TMPO: variants seen among roughly 807,000 people sequenced by gnomAD.
TMPO encodes thymopoietin.
A neutral mutation model predicts 45.4 loss-of-function variants in TMPO; 22 were observed. That is an observed-to-expected ratio of 0.48 (90% CI 0.35 to 0.69). The LOEUF is 0.69. TMPO is among the 30% of genes least tolerant of loss of function. TMPO has a pLI of 0.01. For missense variants in TMPO, 512 were observed against 548.8 expected (o/e 0.93, Z 0.67); for synonymous variants, 241 against 204.1 (o/e 1.18, Z -1.54).
At chr12:98,517,142 G>A (rs1875917455) in intron 1 of TMPO, among the ~76,000 whole-genome samples, 1 of 152,210 alleles carries the variant, frequency 6.6e-6, no homozygotes, top group Non-Finnish European at 1.5e-5. Flanking sequence ...TTGCAGTTTG[G>A]ATTGCGTTTT....
At chr12:98,533,541 AG>A in intron 3 of TMPO, 1 of 1,614,184 alleles carries the variant, frequency 6.2e-7, no homozygotes, top group Non-Finnish European at 8.5e-7. Context: ...CTCCAAGAAA[AG>A]TCCCTAGACT....
intron 1 of TMPO, among the ~76,000 whole-genome samples, chr12:98,524,593 A>G (rs1017239831): frequency 6.6e-6 from 1 of 151,878 alleles, no homozygotes; most frequent in Non-Finnish European, 1.5e-5. Context: ...AAAAAAAAAA[A>G]AGAGTTAAGA....
intron 1 of TMPO, among the ~76,000 whole-genome samples, chr12:98,519,783 T>TA (rs1309090209): frequency 6.6e-6 from 1 of 152,188 alleles, no homozygotes; most frequent in African/African-American, 2.4e-5. Context: ...TCGATGTTTT[T>TA]ATCAGCCATA....
At chr12:98,525,920 T>G (rs894035309) in intron 1 of TMPO, among the ~76,000 whole-genome samples, 5 of 152,204 alleles carry the variant, frequency 3.3e-5, no homozygotes, top group African/African-American at 1.2e-4. Flanking sequence ...AAATTTACTT[T>G]GATGTTGCCA....
At chr12:98,523,057 A>G (rs1025224026) in intron 1 of TMPO, among the ~76,000 whole-genome samples, 5 of 152,172 alleles carry the variant, frequency 3.3e-5, no homozygotes, top group Admixed American at 6.5e-5. Flanking sequence ...AGTAGGTACT[A>G]TTTTTGAGTG....
At chr12:98,534,828 C>A in intron 3 of TMPO, 2 of 1,002,696 alleles carry the variant, frequency 2.0e-6, no homozygotes, top group Non-Finnish European at 2.4e-6. Context: ...TATTTTCTTA[C>A]TTTTCTTTGT....
chr12:98,527,616 C>G (rs1876877173), intron 1 of TMPO: 2 of 265,068 alleles, frequency 7.5e-6, no homozygotes, highest in African/African-American at 2.3e-5. Context: ...GATGCCATTA[C>G]TATCTCTTTT....
At chr12:98,533,647 GTT>G (rs1264459958) in intron 3 of TMPO, 1 of 1,614,164 alleles carries the variant, frequency 6.2e-7, no homozygotes. Flanking sequence ...TGCCAAAACT[GTT>G]GTCTCTCATT....
chr12:98,541,988 G>A (rs569600101), intron 4 of TMPO, among the ~76,000 whole-genome samples: 9 of 152,224 alleles, frequency 5.9e-5, no homozygotes, highest in Admixed American at 2.6e-4. Flanking sequence ...TGCATTTTAT[G>A]TGTTGCATTT....
chr12:98,516,237 C>G (rs2121096709), intron 1 of TMPO, 91 bp downstream of exon 1: 1 of 1,304,622 alleles, frequency 7.7e-7, no homozygotes, highest in Middle Eastern at 2.9e-4. Context: ...TCCCGGGCGC[C>G]CCCTCGGGCC....
intron 3 of TMPO, chr12:98,534,232 A>G: frequency 6.2e-7 from 1 of 1,613,946 alleles, no homozygotes; most frequent in Non-Finnish European, 8.5e-7. Context: ...GAAGGATTGC[A>G]AAATTAATTT....
chr12:98,541,820 A>G (rs1421492657), intron 4 of TMPO, among the ~76,000 whole-genome samples: 1 of 151,916 alleles, frequency 6.6e-6, no homozygotes, highest in Non-Finnish European at 1.5e-5. Context: ...TTTGATTTAT[A>G]TTTTGTTTCT....
intron 3 of TMPO, chr12:98,533,961 A>G (rs1288116857): frequency 6.2e-7 from 1 of 1,613,442 alleles, no homozygotes; most frequent in Non-Finnish European, 8.5e-7. Flanking sequence ...TGGACTTAGC[A>G]CTCTGTAGAG....
chr12:98,532,778 A>G (rs1241081376), intron 3 of TMPO: 1 of 1,613,872 alleles, frequency 6.2e-7, no homozygotes, highest in Non-Finnish European at 8.5e-7. Context: ...AAATCAGCTC[A>G]AACACAGGTA....
Position 98,515,964 on chromosome 12 carries a change from C to A in TMPO, c.97C>A (p.Arg33Ser). 2 of 1,613,184 alleles carry A rather than the reference C, an allele frequency of 1.2e-6. No individual in the cohort carries two copies. Among genetic ancestry groups the A allele is most frequent in the Non-Finnish European group, 1.7e-6 (2 of 1,179,850 alleles). ...NNVTLPAGEQRKDVYVQLYLQ... is the reference protein window; with the variant it reads ...NNVTLPAGEQSKDVYVQLYLQ... ...TGTGACGCTGCCGGCCGGGGAGCAG[C>A]GCAAAGACGTGTACGTCCAGCTCTA... is the stretch of plus-strand genomic sequence containing the variant. Residue 33 changes from arginine (R) to serine (S), a missense_variant, in exon 1 of 9, where the codon CGC becomes AGC. Physicochemically the swap from Arg to Ser is moderately radical, Grantham distance 110. Coordinates refer to ENST00000556029, the MANE Select transcript of TMPO (RefSeq NM_001032283.3).
intron 5 of TMPO, 25 bp from the exon 6 acceptor site, chr12:98,544,417 T>C: frequency 6.2e-7 from 1 of 1,612,602 alleles, no homozygotes; most frequent in Middle Eastern, 1.7e-4. Context: ...TATTTATTGT[T>C]TTTGTTTTGT....
intron 1 of TMPO, among the ~76,000 whole-genome samples, chr12:98,518,974 T>G (rs1433770265): frequency 1.3e-5 from 2 of 151,942 alleles, no homozygotes; most frequent in African/African-American, 4.8e-5. Flanking sequence ...CTCTGCCTCG[T>G]GGGTTCATGC....
At position 98,534,296 on chromosome 12, in the gene TMPO, G is replaced by C. The variant is rs1488027084; in HGVS notation, c.565+2458G>C. The C allele has an allele frequency of 2.5e-6, 4 of 1,613,036 alleles. No individual in the cohort carries two copies. The African/African-American group carries it at 5.3e-5, about 22-fold the overall frequency. On this transcript the variant is annotated intron_variant, in intron 3 of 8. Transcript: ENST00000556029. Reference sequence around the variant, plus strand: ...CCCTTTAAAGGTGGAACATTATTTGGAGGAGAAGTATGCAAAGTAATTAAA... The same window carrying C: ...CCCTTTAAAGGTGGAACATTATTTGCAGGAGAAGTATGCAAAGTAATTAAA...
At chr12:98,537,872 CTT>C (rs1327352363) in intron 4 of TMPO, among the ~76,000 whole-genome samples, 1 of 151,380 alleles carries the variant, frequency 6.6e-6, no homozygotes, top group Non-Finnish European at 1.5e-5. Flanking sequence ...TATCTAGACA[CTT>C]TTGATACAAT....
Sources: gnomAD v4.1 joint callset for allele counts (sites outside exome capture counted in the v4.1 genomes callset) on GRCh38, gnomAD v4.1.1 for gene constraint, MANE v1.5 for transcripts, NCBI Gene and HGNC (gene_info 2026-07-23, HGNC 2026-07-21) for gene names.